CFAP144: variants seen among roughly 807,000 people sequenced by gnomAD.
CFAP144 encodes cilia- and flagella-associated protein 144.
At chr1:43,144,609 T>G in the CFAP144 span, among the ~76,000 whole-genome samples, 1 of 152,168 alleles carries the variant, frequency 6.6e-6, no homozygotes, top group African/African-American at 2.4e-5. Flanking sequence ...TCCCACTTTT[T>G]TGGGGTTCTG....
the CFAP144 span, among the ~76,000 whole-genome samples, chr1:43,148,722 C>T: frequency 1.3e-5 from 2 of 152,160 alleles, no homozygotes; most frequent in Admixed American, 6.5e-5. Context: ...CCTGTCTCTG[C>T]AAAAGGCCCC....
At chr1:43,154,186 A>G in the CFAP144 span, among the ~76,000 whole-genome samples, 1 of 140,150 alleles carries the variant, frequency 7.1e-6, no homozygotes. Flanking sequence ...ATATATGTAA[A>G]TATATATAAA....
At chr1:43,145,300 A>C in the CFAP144 span, 2 of 1,548,774 alleles carry the variant, frequency 1.3e-6, no homozygotes, top group Non-Finnish European at 1.7e-6. Flanking sequence ...TCTGGAGGGT[A>C]AGTCTTGTCG....
At chr1:43,154,487 A>G in the CFAP144 span, among the ~76,000 whole-genome samples, 1 of 151,184 alleles carries the variant, frequency 6.6e-6, no homozygotes, top group Non-Finnish European at 1.5e-5. Context: ...AGAGACAGGT[A>G]TGGTTAGAGA....
the CFAP144 span, among the ~76,000 whole-genome samples, chr1:43,143,638 G>A: frequency 2.0e-5 from 3 of 152,272 alleles, no homozygotes; most frequent in East Asian, 1.9e-4. Context: ...GAGCAAGGAA[G>A]TCCAAATCTA....
the CFAP144 span, chr1:43,152,703 C>A: frequency 9.4e-7 from 1 of 1,059,794 alleles, no homozygotes; most frequent in Non-Finnish European, 1.3e-6. Context: ...GGTCTTGAGG[C>A]TGAGGCAAAC....
chr1:43,146,871 A>C, the CFAP144 span, among the ~76,000 whole-genome samples: 1 of 152,192 alleles, frequency 6.6e-6, no homozygotes, highest in Non-Finnish European at 1.5e-5. Flanking sequence ...TTTTAGAAGG[A>C]GTCTCGCTCT....
At chr1:43,150,559 A>G in the CFAP144 span, among the ~76,000 whole-genome samples, 2 of 152,230 alleles carry the variant, frequency 1.3e-5, no homozygotes, top group African/African-American at 4.8e-5. Flanking sequence ...GATGACCACC[A>G]TTCTGGGCAG....
the CFAP144 span, chr1:43,148,149 C>T: frequency 6.4e-7 from 1 of 1,553,642 alleles, no homozygotes; most frequent in Non-Finnish European, 8.7e-7. Context: ...GAGGAGCCCT[C>T]CGGGTTGCGG....
the CFAP144 span, among the ~76,000 whole-genome samples, chr1:43,149,579 A>T: frequency 6.6e-6 from 1 of 152,206 alleles, no homozygotes; most frequent in Non-Finnish European, 1.5e-5. Context: ...TAGTTTCAGG[A>T]AAGCAAATTA....
the CFAP144 span, among the ~76,000 whole-genome samples, chr1:43,144,367 G>T: frequency 6.6e-6 from 1 of 152,210 alleles, no homozygotes; most frequent in East Asian, 1.9e-4. Flanking sequence ...TGTGAGGGCT[G>T]TGTGTGAGAT....
At chr1:43,145,783 G>A in the CFAP144 span, among the ~76,000 whole-genome samples, 1 of 152,124 alleles carries the variant, frequency 6.6e-6, no homozygotes, top group African/African-American at 2.4e-5. Flanking sequence ...GCCAAGAAGC[G>A]GCAAGACTGT....
chr1:43,148,911 A>G, the CFAP144 span, among the ~76,000 whole-genome samples: 1 of 152,088 alleles, frequency 6.6e-6, no homozygotes, highest in Non-Finnish European at 1.5e-5. Flanking sequence ...TCAGTGAAAG[A>G]CACCATCATG....
chr1:43,147,135 G>A, the CFAP144 span, among the ~76,000 whole-genome samples: 4 of 152,188 alleles, frequency 2.6e-5, no homozygotes, highest in Non-Finnish European at 5.9e-5. Context: ...GTGAGCCACC[G>A]TGCTCGGCGA....
the CFAP144 span, chr1:43,152,921 T>G: frequency 6.2e-7 from 1 of 1,612,632 alleles, no homozygotes; most frequent in Non-Finnish European, 8.5e-7. Context: ...GGATGGGACT[T>G]AGAGCCCTTG....
chr1:43,148,898 G>A, the CFAP144 span, among the ~76,000 whole-genome samples: 1 of 152,128 alleles, frequency 6.6e-6, no homozygotes, highest in East Asian at 1.9e-4. Flanking sequence ...ACTTGTTCCT[G>A]CTTCAGTGAA....
chr1:43,152,603 C>G, the CFAP144 span, among the ~76,000 whole-genome samples: 1,793 of 152,334 alleles, frequency 0.012, 28 homozygotes, highest in African/African-American at 0.041. Flanking sequence ...TCACTCAGCA[C>G]TCTATGCCCA....
chr1:43,148,195 A>T, the CFAP144 span: 2 of 1,097,904 alleles, frequency 1.8e-6, no homozygotes, highest in Non-Finnish European at 2.6e-6. Flanking sequence ...CTCTTTCCCC[A>T]GCACCCGCCC....
chr1:43,145,363 A>C, the CFAP144 span: 1 of 1,219,382 alleles, frequency 8.2e-7, no homozygotes, highest in East Asian at 2.5e-5. Context: ...CATAGGGCAC[A>C]AGGTCCCTGC....
Sources: allele counts gnomAD v4.1 joint callset (sites outside exome capture counted in the v4.1 genomes callset), GRCh38; gene constraint gnomAD v4.1.1; transcripts MANE v1.5; gene names NCBI Gene and HGNC (gene_info 2026-07-23, HGNC 2026-07-21).